The following ACBD7 variants were observed in gnomAD, a reference collection of about 807,000 sequenced individuals.
ACBD7 encodes the protein acyl-CoA binding domain containing 7, also known as acyl-CoA-binding domain-containing protein 7.
A neutral mutation model predicts 13.7 loss-of-function variants in ACBD7; 11 were observed. The observed-to-expected ratio is 0.80, with a 90% CI of 0.50 to 1.33. ACBD7 has a LOEUF of 1.33. ACBD7 is among the 40% of genes most tolerant of loss of function. The pLI, the probability that ACBD7 is intolerant of heterozygous loss-of-function variation, is 0.00. For missense variants in ACBD7, 111 were observed against 103.0 expected (o/e 1.08, Z -0.33); for synonymous variants, 43 against 37.7 (o/e 1.14, Z -0.51).
chr10:15,078,450 A>G lies in ACBD7; in HGVS notation c.*80T>C. The G allele has an allele frequency of 6.2e-7, 1 of 1,606,544 alleles. No individual in the cohort carries two copies. On this transcript the variant is annotated 3_prime_UTR_variant, in exon 4 of 4. Coordinates refer to ENST00000356189, the MANE Select transcript of ACBD7 (RefSeq NM_001039844.3). ...AATATACATGATACATCAAGTTAAC[A>G]GTATGCCTCTCCCTCTAAATGTTAG...
chr10:15,083,525 A>G (rs1464458534), intron 1 of ACBD7, among the ~76,000 whole-genome samples: 1 of 152,212 alleles, frequency 6.6e-6, no homozygotes, highest in Non-Finnish European at 1.5e-5. Flanking sequence ...TCTGTTGTCC[A>G]AGCTAGAGTA....
At position 15,078,997 on chromosome 10, in the gene ACBD7, G is replaced by C. The variant is rs1295659320; in HGVS notation, c.56C>G (p.Ala19Gly). The change falls in exon 2 of 4, where the codon GCA becomes GGA. Residue 19 changes from alanine (A) to glycine (G), a missense_variant. Coordinates refer to ENST00000356189, the MANE Select transcript of ACBD7 (RefSeq NM_001039844.3). ...RAAEDVRKLK[A>G]RPDDGELKEL... ...TTTCAGTTCTCCATCATCTGGTCTT[G>C]CTTTCAGCTTCCTCACATCTTCTGC... The C allele has an allele frequency of 1.2e-6, 2 of 1,608,852 alleles. No homozygotes were observed. Among genetic ancestry groups the C allele is most frequent in the African/African-American group, 2.7e-5 (2 of 74,628 alleles).
In ACBD7 at chr10:15,076,487, T is replaced by C. The variant is rs1844683246; in HGVS notation, c.*2043A>G. The C allele has an allele frequency of 1.1e-6, 1 of 946,012 alleles. No individual in the cohort carries two copies. The highest frequency in any genetic ancestry group is 1.3e-6 in the Non-Finnish European group (1 of 796,502). The allele number at this position is 946,012 out of a possible 1,614,324, so 58.6% of individuals were successfully genotyped here. On this transcript the variant is annotated 3_prime_UTR_variant, in exon 4 of 4. Coordinates refer to ENST00000356189, the MANE Select transcript of ACBD7 (RefSeq NM_001039844.3). ...GGCTTTTTAAATTTCTTTAAACTGCTATGGACAGACTTGTAATTTTTTTTT... is the reference window on the plus strand; with the variant it reads ...GGCTTTTTAAATTTCTTTAAACTGCCATGGACAGACTTGTAATTTTTTTTT...
intron 1 of ACBD7, among the ~76,000 whole-genome samples, chr10:15,084,565 A>G (rs12241832): frequency 0.012 from 1,789 of 152,308 alleles, 33 homozygotes; most frequent in African/African-American, 0.041. Context: ...CAGGCCGAGC[A>G]CAGGGACTCA....
At chr10:15,087,271 A>G (rs1034534064) in intron 1 of ACBD7, among the ~76,000 whole-genome samples, 3 of 152,180 alleles carry the variant, frequency 2.0e-5, no homozygotes, top group African/African-American at 7.2e-5. Context: ...TATACATATA[A>G]CTCATTTAAT....
intron 1 of ACBD7, among the ~76,000 whole-genome samples, chr10:15,080,204 C>G (rs1276103764): frequency 6.6e-6 from 1 of 152,062 alleles, no homozygotes; most frequent in Non-Finnish European, 1.5e-5. Flanking sequence ...AGTTGTTTAG[C>G]CAATTTAGAG....
chr10:15,079,884 T>C (rs1844730545), intron 1 of ACBD7, among the ~76,000 whole-genome samples: 1 of 51,708 alleles, frequency 1.9e-5, no homozygotes. Flanking sequence ...GCTGCTTTTC[T>C]TTTTTTTTTT....
In ACBD7 at chr10:15,078,995, T is replaced by C; in HGVS notation, c.58A>G (p.Arg20Gly). 1 of 1,609,774 alleles carries C rather than the reference T, an allele frequency of 6.2e-7. No individual in the cohort carries two copies. The highest frequency in any genetic ancestry group is 1.1e-5 in the South Asian group (1 of 90,488). ...TCTTTCAGTTCTCCATCATCTGGTC[T>C]TGCTTTCAGCTTCCTCACATCTTCT... ...AAEDVRKLKA[R>G]PDDGELKELY... The change falls in exon 2 of 4, where the codon AGA becomes GGA. Residue 20 changes from arginine (R) to glycine (G), a missense_variant. Physicochemically the swap from Arg to Gly is moderately radical, Grantham distance 125. Coordinates refer to ENST00000356189, the MANE Select transcript of ACBD7 (RefSeq NM_001039844.3).
At chr10:15,083,364 C>A (rs1844771601) in intron 1 of ACBD7, among the ~76,000 whole-genome samples, 1 of 152,324 alleles carries the variant, frequency 6.6e-6, no homozygotes. Flanking sequence ...GGTTTGACTT[C>A]CAGCTTTGAG....
At chr10:15,080,629 C>T (rs1024569010) in intron 1 of ACBD7, among the ~76,000 whole-genome samples, 27 of 152,194 alleles carry the variant, frequency 1.8e-4, no homozygotes, top group African/African-American at 6.3e-4. Flanking sequence ...AAGCCTTGTC[C>T]TGAGTTAGCT....
intron 1 of ACBD7, among the ~76,000 whole-genome samples, chr10:15,083,697 G>A (rs1194786442): frequency 6.6e-6 from 1 of 152,108 alleles, no homozygotes; most frequent in African/African-American, 2.4e-5. Context: ...TGGCCAAGCT[G>A]GTCTTGAACT....
At chr10:15,084,212 TAAAC>T (rs200019027) in intron 1 of ACBD7, among the ~76,000 whole-genome samples, 346 of 151,122 alleles carry the variant, frequency 2.3e-3, no homozygotes, top group African/African-American at 7.5e-3. Flanking sequence ...AATCAATAAA[TAAAC>T]AATCAATCAA....
rs775888391 is a variant in ACBD7 at position 15,078,408 on chromosome 10, C to T, written c.*122G>A. 6.4e-7 allele frequency: 1 copy of T among 1,573,696 alleles called. No individual in the cohort carries two copies. The highest frequency in any genetic ancestry group is 8.6e-7 in the Non-Finnish European group (1 of 1,163,876). Reference sequence around the variant, plus strand: ...TTCAGTATACTTCTAAGTACTACAGCTCATGCTAATAGCAAAAATATACAT... The same window carrying T: ...TTCAGTATACTTCTAAGTACTACAGTTCATGCTAATAGCAAAAATATACAT... On this transcript the variant is annotated 3_prime_UTR_variant, in exon 4 of 4. Coordinates refer to ENST00000356189, the MANE Select transcript of ACBD7 (RefSeq NM_001039844.3).
intron 1 of ACBD7, among the ~76,000 whole-genome samples, chr10:15,083,658 T>C (rs992554998): frequency 2.6e-5 from 4 of 152,188 alleles, no homozygotes; most frequent in African/African-American, 9.7e-5. Flanking sequence ...TTTTTTTGTA[T>C]TTTTAATAAA....
At position 15,076,414 on chromosome 10, in the gene ACBD7, A is replaced by C; in HGVS notation, c.*2116T>G. On this transcript the variant is annotated 3_prime_UTR_variant, in exon 4 of 4. Coordinates refer to ENST00000356189, the MANE Select transcript of ACBD7 (RefSeq NM_001039844.3). ...ACATTTTAGTTTGCCTTTTTGTCTTAAATGTCTTAAATGTAAAAATTTAAA... is the reference window on the plus strand; with the variant it reads ...ACATTTTAGTTTGCCTTTTTGTCTTCAATGTCTTAAATGTAAAAATTTAAA... 3 of 980,256 alleles carry C rather than the reference A, an allele frequency of 3.1e-6. No individual in the cohort carries two copies. The highest frequency in any genetic ancestry group is 3.6e-6 in the Non-Finnish European group (3 of 825,316). 60.7% of individuals were successfully genotyped at this position (980,256 alleles called of 1,614,324 possible).
Position 15,077,253 on chromosome 10 carries a change from C to T in ACBD7, c.*1277G>A, listed in dbSNP as rs1589258712. Among the ~76,000 whole-genome samples, 1 of 151,978 alleles carries T rather than the reference C, an allele frequency of 6.6e-6. No homozygotes were observed. The highest frequency in any genetic ancestry group is 1.9e-4 in the East Asian group (1 of 5,194). On this transcript the variant is annotated 3_prime_UTR_variant, in exon 4 of 4. Transcript: ENST00000356189. ...ATGTATACCAGGGGATATTACTCAGCCATATAAAGAGAATGAAATTACGGC... is the reference window on the plus strand; with the variant it reads ...ATGTATACCAGGGGATATTACTCAGTCATATAAAGAGAATGAAATTACGGC...
Position 15,088,750 on chromosome 10 carries a change from G to A in ACBD7, c.-22C>T, listed in dbSNP as rs1215726943. 3.8e-6 allele frequency: 6 copies of A among 1,598,150 alleles called. No individual in the cohort carries two copies. Among genetic ancestry groups the A allele is most frequent in the African/African-American group, 1.4e-5 (1 of 72,670 alleles). On this transcript the variant is annotated 5_prime_UTR_variant, in exon 1 of 4. Transcript: ENST00000356189. ...CCATGGTGGCGGCTGCCGCGTTGTT[G>A]CTGCTGCTGTTGTCGTCCGGTGCTC...
chr10:15,080,371 G>T (rs1844736090), intron 1 of ACBD7, among the ~76,000 whole-genome samples: 2 of 151,930 alleles, frequency 1.3e-5, no homozygotes, highest in Non-Finnish European at 2.9e-5. Context: ...CTTGAGGTCA[G>T]GAGTTCGAGA....
chr10:15,078,753 G>T lies in ACBD7; in HGVS notation c.131C>A (p.Ala44Glu). ...TTTTAAATCTAGCATTCCTGGACAC[G>T]CTGGCAAAAGAAGGAGACATGCATT... is the stretch of plus-strand genomic sequence containing the variant. The part of the protein sequence containing the change: ...KQAIVGDINI[A>E]CPGMLDLKGK... The change falls in exon 3 of 4, where the codon GCG becomes GAG. Residue 44 changes from alanine to glutamate, a missense_variant and splice_region_variant. Ala to Glu is a moderately radical substitution (Grantham distance 107, BLOSUM62 -1). Transcript: ENST00000356189. 6.2e-7 allele frequency: 1 copy of T among 1,613,554 alleles called. No individual in the cohort carries two copies. Among genetic ancestry groups the T allele is most frequent in the Non-Finnish European group, 8.5e-7 (1 of 1,179,756 alleles).
Sources: allele counts gnomAD v4.1 joint callset (sites outside exome capture counted in the v4.1 genomes callset), GRCh38; gene constraint gnomAD v4.1.1; transcripts MANE v1.5; gene names NCBI Gene and HGNC (gene_info 2026-07-23, HGNC 2026-07-21).